GON4L: variants seen among roughly 807,000 people sequenced by gnomAD.
GON4L encodes the protein GON-4-like protein.
In GON4L, 87 loss-of-function variants were observed where a neutral mutation model predicts 211.8. That is an observed-to-expected ratio of 0.41 (90% CI 0.35 to 0.49). The LOEUF is 0.49. GON4L is among the 20% of genes least tolerant of loss of function. The probability of loss-of-function intolerance (pLI) is 0.15; values close to 1 mark genes in which losing one functional copy is unlikely to be tolerated. For synonymous variants in GON4L, 875 were observed against 962.6 expected, an observed-to-expected ratio of 0.91 and a Z score of 1.68; for missense variants, 2,155 against 2,659.5, an observed-to-expected ratio of 0.81 and a Z score of 4.17.
At chr1:155,829,338 G>T (rs1307584754) in intron 2 of GON4L, among the ~76,000 whole-genome samples, 1 of 152,162 alleles carries the variant, frequency 6.6e-6, no homozygotes, top group Non-Finnish European at 1.5e-5. Flanking sequence ...AGGCATGGTG[G>T]TTCACACCTG....
Position 155,776,305 on chromosome 1 carries a change from A to G in GON4L, c.2178+90T>C, listed in dbSNP as rs931808963. 3 of 938,068 alleles carry G rather than the reference A, an allele frequency of 3.2e-6. No homozygotes were observed. The African/African-American group carries it at 4.8e-5, about 15-fold the overall frequency. 58.1% of individuals were successfully genotyped at this position (938,068 alleles called of 1,614,324 possible). A position where few individuals can be genotyped will look rare whatever the true frequency, so the allele number is the denominator to read the frequency against. ...AAAAATACCCGAGAGAAGAATAAAT[A>G]TAGATTATGATCAGTGAATAACTGA... On this transcript the variant is annotated intron_variant, in intron 16 of 31. Transcript: ENST00000368331.
chr1:155,782,609 A>C (rs1321155198), intron 14 of GON4L, among the ~76,000 whole-genome samples: 1 of 152,202 alleles, frequency 6.6e-6, no homozygotes, highest in Non-Finnish European at 1.5e-5. Flanking sequence ...TGAATACCAG[A>C]AGGTAACTGA....
In GON4L at chr1:155,754,411, C is replaced by T. The variant is rs367680830; in HGVS notation, c.5595G>A (p.Lys1865=). 8.7e-6 allele frequency: 14 copies of T among 1,612,980 alleles called. No homozygotes were observed. The African/African-American group carries it at 1.6e-4, about 18-fold the overall frequency. ...HEGGPDSKLK[K]SKRRSCSHCS... ...AGTGGCTACAGCTCCGCCTTTTGCT[C>T]TTCTTCAGCTTGGAATCTGGACCTC... The change falls in exon 28 of 32, where the codon AAG becomes AAA. Residue 1865 remains lysine, a synonymous_variant. Transcript: ENST00000368331.
At chr1:155,770,195 GAGT>G (rs2101790889) in intron 19 of GON4L, among the ~76,000 whole-genome samples, 1 of 152,184 alleles carries the variant, frequency 6.6e-6, no homozygotes, top group African/African-American at 2.4e-5. Context: ...CTGGGTAGCA[GAGT>G]AAGACCCTTT....
chr1:155,779,280 A>C (rs1332368638), intron 14 of GON4L, among the ~76,000 whole-genome samples: 1 of 151,650 alleles, frequency 6.6e-6, no homozygotes, highest in Non-Finnish European at 1.5e-5. Flanking sequence ...AAAAAGAAAA[A>C]AGAAAGAAAG....
intron 14 of GON4L, among the ~76,000 whole-genome samples, chr1:155,782,911 C>T (rs191754886): frequency 1.3e-5 from 2 of 152,094 alleles, no homozygotes; most frequent in African/African-American, 2.4e-5. Flanking sequence ...CCCCTGCCTC[C>T]GCCTCCCAAA....
At chr1:155,833,434 G>A (rs1315206721) in intron 2 of GON4L, among the ~76,000 whole-genome samples, 1 of 151,822 alleles carries the variant, frequency 6.6e-6, no homozygotes, top group Non-Finnish European at 1.5e-5. Flanking sequence ...CAGATCACAA[G>A]GTCAGGAGAT....
intron 2 of GON4L, among the ~76,000 whole-genome samples, chr1:155,842,829 T>A (rs1670900361): frequency 6.6e-6 from 1 of 151,676 alleles, no homozygotes. Flanking sequence ...AGAGCAAGAC[T>A]TCATCTCAAA....
At chr1:155,837,614 A>ATC (rs147315633) in intron 2 of GON4L, among the ~76,000 whole-genome samples, 14 of 147,944 alleles carry the variant, frequency 9.5e-5, no homozygotes, top group East Asian at 6.0e-4. Context: ...GGCTTGCTGT[A>ATC]TCTCTCTCTC....
chr1:155,760,097 G>C (rs1453211456), intron 24 of GON4L, among the ~76,000 whole-genome samples: 2 of 151,012 alleles, frequency 1.3e-5, no homozygotes, highest in Non-Finnish European at 2.9e-5. Flanking sequence ...TAGCAATTGA[G>C]GTCAGGAATT....
At chr1:155,815,983 C>CA in intron 7 of GON4L, 83 bp from the exon 8 acceptor site, 3 of 838,808 alleles carry the variant, frequency 3.6e-6, no homozygotes, top group South Asian at 3.0e-5. Flanking sequence ...AGAAGCAGGG[C>CA]AGAAAAAAAA....
At chr1:155,842,520 T>C (rs1411007172) in intron 2 of GON4L, among the ~76,000 whole-genome samples, 1 of 95,420 alleles carries the variant, frequency 1.0e-5, no homozygotes, top group Non-Finnish European at 2.0e-5. Context: ...CGAGACTCCA[T>C]CTCAAAAAAA....
chr1:155,763,225 G>C (rs1662030203), intron 22 of GON4L, 87 bp downstream of exon 22: 1 of 1,303,416 alleles, frequency 7.7e-7, no homozygotes, highest in South Asian at 1.3e-5. Flanking sequence ...CCTCCACCTG[G>C]TTTATAAGCT....
intron 19 of GON4L, among the ~76,000 whole-genome samples, chr1:155,768,610 CAA>C (rs767701993): frequency 3.5e-4 from 41 of 116,574 alleles, no homozygotes; most frequent in Admixed American, 5.5e-4. Context: ...GACTCCATCT[CAA>C]AAAAAAAAAA....
At chr1:155,796,906 T>C (rs929166535) in intron 11 of GON4L, among the ~76,000 whole-genome samples, 11 of 152,144 alleles carry the variant, frequency 7.2e-5, no homozygotes, top group Admixed American at 1.3e-4. Flanking sequence ...GTGATCTCTA[T>C]GTATTATAAT....
rs755567271 is a variant in GON4L at position 155,776,412 on chromosome 1, T to C, written c.2161A>G (p.Thr721Ala). The C allele has an allele frequency of 1.2e-6, 2 of 1,608,444 alleles. No individual in the cohort carries two copies. The highest frequency in any genetic ancestry group is 3.3e-5 in the Admixed American group (2 of 60,002). ...AAACTTACAAGAAATATCCTGGTGGTAGTGGCCTCCGGATTGAGGTTGGGG... is the reference window on the plus strand; with the variant it reads ...AAACTTACAAGAAATATCCTGGTGGCAGTGGCCTCCGGATTGAGGTTGGGG... ...CNPNLNPEAT[T>A]TRIFLKELGT... Residue 721 changes from threonine (T) to alanine (A), a missense_variant, in exon 16 of 32, where the codon ACC (threonine) becomes GCC (alanine). By Grantham distance (58) the Thr-to-Ala change is moderately conservative (BLOSUM62 0). Coordinates refer to ENST00000368331, the MANE Select transcript of GON4L (RefSeq NM_001282860.2).
At chr1:155,805,189 C>G (rs1667020119) in intron 10 of GON4L, 48 bp from the exon 11 acceptor site, 2 of 1,216,124 alleles carry the variant, frequency 1.6e-6, no homozygotes, top group South Asian at 2.4e-5. Flanking sequence ...TGTTTCCAAA[C>G]CTCATCATCA....
Position 155,765,936 on chromosome 1 carries a change from G to A in GON4L, c.3537C>T (p.Pro1179=), listed in dbSNP as rs1164737750. Residue 1179 remains proline, a synonymous_variant, in exon 21 of 32, where the codon CCC becomes CCT. Coordinates refer to ENST00000368331, the MANE Select transcript of GON4L (RefSeq NM_001282860.2). The part of the protein sequence containing the change: ...AAVAQSPQTI[P]ITTLLVNPTS... ...TAGGGTTAACCAAGAGGGTAGTGAT[G>A]GGAATAGTCTGGGGACTCTGGGCCA... 6.2e-7 allele frequency: 1 copy of A among 1,614,042 alleles called. No individual in the cohort carries two copies. The highest frequency in any genetic ancestry group is 1.3e-5 in the African/African-American group (1 of 74,908).
intron 18 of GON4L, among the ~76,000 whole-genome samples, chr1:155,772,009 A>C (rs1663240241): frequency 6.6e-6 from 1 of 152,128 alleles, no homozygotes; most frequent in South Asian, 2.1e-4. Flanking sequence ...CTAAAAATAC[A>C]AAAAATAGCC....
Sources: allele counts gnomAD v4.1 joint callset (sites outside exome capture counted in the v4.1 genomes callset), GRCh38; gene constraint gnomAD v4.1.1; transcripts MANE v1.5; gene names NCBI Gene and HGNC (gene_info 2026-07-23, HGNC 2026-07-21).